Variants in TGFBRAP1 observed in about 807,000 individuals in gnomAD.
TGFBRAP1 encodes the protein transforming growth factor-beta receptor-associated protein 1.
TGFBRAP1 carries 20 observed loss-of-function variants against 83.2 expected under a neutral mutation model. That is an observed-to-expected ratio of 0.24 (90% CI 0.17 to 0.35). The LOEUF is 0.35. Ranked by LOEUF, TGFBRAP1 falls within the 10% of genes least tolerant of loss-of-function variation. The pLI is 1.00. For synonymous variants in TGFBRAP1, 415 were observed against 459.8 expected (o/e 0.90, Z 1.25); for missense variants, 950 against 1,099.4 (o/e 0.86, Z 1.92).
chr2:105,278,550 A>G (rs1445321159), intron 6 of TGFBRAP1, among the ~76,000 whole-genome samples: 1 of 152,132 alleles, frequency 6.6e-6, no homozygotes, highest in East Asian at 1.9e-4. Context: ...ACCTTGAGCA[A>G]GTAGGTTAAC....
At chr2:105,306,895 T>G (rs1208992136) in intron 2 of TGFBRAP1, among the ~76,000 whole-genome samples, 1 of 150,800 alleles carries the variant, frequency 6.6e-6, no homozygotes, top group Non-Finnish European at 1.5e-5. Flanking sequence ...TCAGGTGCAG[T>G]AAGTATGGAC....
At chr2:105,302,883 C>T (rs1410983002) in intron 2 of TGFBRAP1, among the ~76,000 whole-genome samples, 1 of 152,218 alleles carries the variant, frequency 6.6e-6, no homozygotes, top group South Asian at 2.1e-4. Flanking sequence ...GACTTTAAAA[C>T]ACAGTAATTT....
chr2:105,309,062 C>T (rs1055810281), intron 1 of TGFBRAP1, among the ~76,000 whole-genome samples: 7 of 152,202 alleles, frequency 4.6e-5, no homozygotes, highest in African/African-American at 7.2e-5. Flanking sequence ...ATGTGTGGAC[C>T]GACCGGTCCC....
At chr2:105,272,787 C>A in intron 10 of TGFBRAP1, 68 bp downstream of exon 10, 1 of 1,586,372 alleles carries the variant, frequency 6.3e-7, no homozygotes. Flanking sequence ...AAGCCCTTCT[C>A]TCTGCTTCCT....
At chr2:105,295,220 A>G (rs569786025) in intron 4 of TGFBRAP1, among the ~76,000 whole-genome samples, 39 of 152,300 alleles carry the variant, frequency 2.6e-4, no homozygotes, top group African/African-American at 8.7e-4. Context: ...GTCTTCTTTC[A>G]TTTTCAGAAT....
intron 1 of TGFBRAP1, among the ~76,000 whole-genome samples, chr2:105,309,830 G>A (rs1178883100): frequency 1.3e-5 from 2 of 152,148 alleles, no homozygotes; most frequent in Non-Finnish European, 2.9e-5. Context: ...TGGTAGTGTT[G>A]GGAGGTGGGG....
chr2:105,261,644 C>T (rs1314249674), downstream of TGFBRAP1, among the ~76,000 whole-genome samples: 2 of 152,102 alleles, frequency 1.3e-5, no homozygotes, highest in East Asian at 1.9e-4. Flanking sequence ...CCCAGCTACT[C>T]GGGAGGCTGA....
intron 6 of TGFBRAP1, among the ~76,000 whole-genome samples, chr2:105,278,880 A>G (rs966934247): frequency 6.6e-6 from 1 of 152,084 alleles, no homozygotes; most frequent in African/African-American, 2.4e-5. Flanking sequence ...TGGCTCCTGA[A>G]AAAACTAACA....
downstream of TGFBRAP1, chr2:105,264,250 G>A (rs969226711): frequency 6.6e-6 from 1 of 152,156 alleles, no homozygotes; most frequent in African/African-American, 2.4e-5. Flanking sequence ...CCTAAAATAT[G>A]CATTGGGTAA....
intron 11 of TGFBRAP1, among the ~76,000 whole-genome samples, chr2:105,268,499 A>G (rs2104304359): frequency 6.6e-6 from 1 of 152,352 alleles, no homozygotes; most frequent in Admixed American, 6.5e-5. Context: ...AGGTAAGAAT[A>G]TCTCAGGCAG....
chr2:105,311,016 C>T (rs1405804848), intron 1 of TGFBRAP1, among the ~76,000 whole-genome samples: 1 of 152,032 alleles, frequency 6.6e-6, no homozygotes, highest in Non-Finnish European at 1.5e-5. Context: ...ATTCCAGCCC[C>T]TGTCTTCAGT....
Position 105,272,947 on chromosome 2 carries a change from G to T in TGFBRAP1, c.1880C>A (p.Ala627Asp). ...GGTGGCCTCTGCACCCTTGCCACTG[G>T]CGGAGGCCCTCTGCAGCAGCACCTC... ...LEEVLLQRAS[A>D]SGKGAEATET... The change falls in exon 10 of 12, where the codon GCC becomes GAC. Residue 627 changes from alanine (A) to aspartate (D), a missense_variant. Physicochemically the swap from Ala to Asp is moderately radical, Grantham distance 126. Transcript: ENST00000393359. The T allele has an allele frequency of 6.2e-7, 1 of 1,612,906 alleles. No individual in the cohort carries two copies.
At chr2:105,258,463 G>A in the TGFBRAP1 span, among the ~76,000 whole-genome samples, 5 of 152,060 alleles carry the variant, frequency 3.3e-5, no homozygotes, top group South Asian at 4.2e-4. Flanking sequence ...GAGGAAGGAG[G>A]AATTTGCCTT....
At chr2:105,327,363 A>C (rs938725253) in intron 1 of TGFBRAP1, 3 of 152,236 alleles carry the variant, frequency 2.0e-5, no homozygotes, top group Admixed American at 1.3e-4. Context: ...CAGGAGTTTG[A>C]GAACAGCCTG....
the TGFBRAP1 span, among the ~76,000 whole-genome samples, chr2:105,257,962 T>C: frequency 1.4e-4 from 22 of 152,308 alleles, no homozygotes; most frequent in Non-Finnish European, 3.1e-4. Context: ...TCTCCCAACA[T>C]ATACTTGTGG....
intron 9 of TGFBRAP1, 135 bp from the exon 10 acceptor site, chr2:105,273,149 G>A (rs1427992244): frequency 1.4e-5 from 16 of 1,112,970 alleles, no homozygotes; most frequent in Admixed American, 5.4e-5. Flanking sequence ...TTGCTGGATC[G>A]AAACCCTCTC....
intron 4 of TGFBRAP1, among the ~76,000 whole-genome samples, chr2:105,294,206 G>A (rs568472149): frequency 1.1e-4 from 16 of 152,058 alleles, no homozygotes; most frequent in Admixed American, 3.9e-4. Flanking sequence ...GCCTTGAAGC[G>A]TTCCTGACAT....
At chr2:105,260,645 T>C (rs986926145), downstream of TGFBRAP1, among the ~76,000 whole-genome samples, 16 of 152,090 alleles carry the variant, frequency 1.1e-4, no homozygotes, top group Non-Finnish European at 1.9e-4. Flanking sequence ...TTCGGGATGA[T>C]ACAAAAAGTT....
At chr2:105,303,066 T>G (rs929145699) in intron 2 of TGFBRAP1, among the ~76,000 whole-genome samples, 37 of 152,172 alleles carry the variant, frequency 2.4e-4, no homozygotes, top group African/African-American at 8.9e-4. Context: ...TTGGTGTGGT[T>G]GAAAGGAGAT....
Sources: allele counts gnomAD v4.1 joint callset (sites outside exome capture counted in the v4.1 genomes callset), GRCh38; gene constraint gnomAD v4.1.1; transcripts MANE v1.5; gene names NCBI Gene and HGNC (gene_info 2026-07-23, HGNC 2026-07-21).